The following CFAP54 variants were observed in gnomAD, a reference collection of about 807,000 sequenced individuals.
CFAP54 encodes the protein cilia and flagella associated protein 54.
A neutral mutation model predicts 370.4 loss-of-function variants in CFAP54; 290 were observed. That is an observed-to-expected ratio of 0.78 (90% CI 0.71 to 0.86). The LOEUF (loss-of-function observed/expected upper bound fraction) is 0.86. CFAP54 is among the 40% of genes least tolerant of loss of function. CFAP54 has a pLI of 0.00. For synonymous variants in CFAP54, 1,206 were observed against 1,236.5 expected (o/e 0.98, Z 0.52); for missense variants, 3,399 against 3,528.7 (o/e 0.96, Z 0.93).
intron 17 of CFAP54, among the ~76,000 whole-genome samples, chr12:96,562,631 T>C (rs1199794551): frequency 6.6e-6 from 1 of 152,010 alleles, no homozygotes; most frequent in African/African-American, 2.4e-5. Context: ...GGTTTTGCCA[T>C]GTTGGCCAGG....
At chr12:96,682,042 T>A (rs777191857) in intron 40 of CFAP54, 8 of 516,360 alleles carry the variant, frequency 1.5e-5, no homozygotes, top group Non-Finnish European at 2.0e-5. Context: ...TACAAAATAT[T>A]TCCTTTCTTT....
chr12:96,811,942 AAAGGC>A (rs1373706253), intron 64 of CFAP54, 100 bp downstream of exon 64: 2 of 628,896 alleles, frequency 3.2e-6, no homozygotes, highest in Non-Finnish European at 5.2e-6. Context: ...AGACCTGCTA[AAAGGC>A]ACTTCGCGAA....
chr12:96,870,942 A>T (rs925839261), intron 67 of CFAP54, among the ~76,000 whole-genome samples: 2 of 152,194 alleles, frequency 1.3e-5, no homozygotes, highest in African/African-American at 4.8e-5. Context: ...TTCTCTGAGG[A>T]CACACCTCAT....
intron 55 of CFAP54, among the ~76,000 whole-genome samples, chr12:96,748,143 C>T (rs1958138948): frequency 6.6e-6 from 1 of 151,992 alleles, no homozygotes; most frequent in Admixed American, 6.6e-5. Context: ...TTATGTTTCC[C>T]TCATAGGCCA....
intron 27 of CFAP54, among the ~76,000 whole-genome samples, chr12:96,622,491 A>T (rs1956509349): frequency 6.6e-6 from 1 of 152,110 alleles, no homozygotes; most frequent in South Asian, 2.1e-4. Flanking sequence ...CTAGGATTAT[A>T]GGTGTATGAC....
intron 45 of CFAP54, among the ~76,000 whole-genome samples, chr12:96,696,002 C>T (rs1320902579): frequency 6.6e-6 from 1 of 152,048 alleles, no homozygotes; most frequent in Non-Finnish European, 1.5e-5. Context: ...TGAACACTCT[C>T]CAGGAGTTCG....
Position 96,739,061 on chromosome 12 carries a change from G to A in CFAP54, c.6966-895G>A, listed in dbSNP as rs147002717. On this transcript the variant is annotated intron_variant, in intron 50 of 67. Coordinates refer to ENST00000524981, the MANE Select transcript of CFAP54 (RefSeq NM_001306084.2). ...GGTTAAGACCTCAACATACCTTTTG[G>A]GGAGACAAAATTCAACTCATAACAC... Among the ~76,000 whole-genome samples, 205 of 152,232 alleles carry A rather than the reference G, an allele frequency of 1.3e-3. 1 individual carries two copies. Among genetic ancestry groups the A allele is most frequent in the Non-Finnish European group, 2.4e-3 (166 of 68,024 alleles).
intron 17 of CFAP54, among the ~76,000 whole-genome samples, chr12:96,561,608 C>G (rs12582299): frequency 0.1 from 15,204 of 151,314 alleles, 1,243 homozygotes; most frequent in East Asian, 0.45. Context: ...GTACCTTTTG[C>G]TAGGAAATGG....
chr12:96,664,760 T>G (rs1396865470), intron 39 of CFAP54, among the ~76,000 whole-genome samples: 1 of 18,632 alleles, frequency 5.4e-5, no homozygotes, highest in African/African-American at 2.5e-4. Context: ...TATATCTATA[T>G]ATATCTATAT....
chr12:96,825,860 AAT>A (rs1959094708), intron 65 of CFAP54, among the ~76,000 whole-genome samples: 1 of 136,826 alleles, frequency 7.3e-6, no homozygotes, highest in South Asian at 2.2e-4. Flanking sequence ...TATATAAATT[AAT>A]ATATAACAGA....
intron 27 of CFAP54, 140 bp downstream of exon 27, chr12:96,621,861 G>T: frequency 3.3e-5 from 4 of 122,054 alleles, no homozygotes; most frequent in Non-Finnish European, 6.4e-5. Flanking sequence ...TTATAGTAAA[G>T]AGCTTTTGGG....
At chr12:96,613,192 A>G (rs1257226243) in intron 26 of CFAP54, among the ~76,000 whole-genome samples, 1 of 152,270 alleles carries the variant, frequency 6.6e-6, no homozygotes, top group African/African-American at 2.4e-5. Flanking sequence ...AGAGCAATCA[A>G]ACAAGAACTC....
At chr12:96,765,294 G>T (rs576501314) in intron 60 of CFAP54, 76 bp downstream of exon 60, 85 of 1,294,444 alleles carry the variant, frequency 6.6e-5, no homozygotes, top group Non-Finnish European at 8.4e-5. Context: ...AGATTTAATT[G>T]TAATTTGTTG....
At chr12:96,515,931 T>TC (rs1421848077) in intron 5 of CFAP54, among the ~76,000 whole-genome samples, 4 of 142,584 alleles carry the variant, frequency 2.8e-5, no homozygotes, top group African/African-American at 1.1e-4. Context: ...TTTTTTTTTT[T>TC]TTGATATGGA....
intron 32 of CFAP54, 69 bp from the exon 33 acceptor site, chr12:96,644,109 G>A: frequency 9.5e-7 from 1 of 1,051,952 alleles, no homozygotes; most frequent in East Asian, 2.6e-5. Context: ...TTCCAAATTG[G>A]AATGATTCTT....
chr12:96,518,959 G>A lies in CFAP54; in HGVS notation c.830G>A (p.Cys277Tyr). ...GAGTATCTCCTGTGGGCCAGCATGT[G>A]TATGGAGTCCTTGGTCCCGCTCCTG... is the stretch of plus-strand genomic sequence containing the variant. ...ALEYLLWASM[C>Y]MESLVPLLSL... Residue 277 changes from cysteine (C) to tyrosine (Y), a missense_variant, in exon 6 of 68, where the codon TGT becomes TAT. Coordinates refer to ENST00000524981, the MANE Select transcript of CFAP54 (RefSeq NM_001306084.2). The A allele has an allele frequency of 6.5e-7, 1 of 1,536,020 alleles. No individual in the cohort carries two copies. The highest frequency in any genetic ancestry group is 8.7e-7 in the Non-Finnish European group (1 of 1,146,858).
At chr12:96,535,628 A>G in intron 12 of CFAP54, 28 bp downstream of exon 12, 2 of 1,466,146 alleles carry the variant, frequency 1.4e-6, no homozygotes, top group Non-Finnish European at 1.8e-6. Context: ...AATAATTTTT[A>G]TTAGTGTGGA....
intron 20 of CFAP54, among the ~76,000 whole-genome samples, chr12:96,577,088 T>C (rs1955986425): frequency 6.6e-6 from 1 of 152,138 alleles, no homozygotes; most frequent in African/African-American, 2.4e-5. Flanking sequence ...AAGATGGAAG[T>C]CTCACTTGAA....
chr12:96,813,627 T>C (rs1205626428), intron 64 of CFAP54, among the ~76,000 whole-genome samples: 1 of 152,212 alleles, frequency 6.6e-6, no homozygotes, highest in East Asian at 1.9e-4. Context: ...TCTGTGTAGT[T>C]CTATCTAAAT....
Sources: allele counts gnomAD v4.1 joint callset (sites outside exome capture counted in the v4.1 genomes callset), GRCh38; gene constraint gnomAD v4.1.1; transcripts MANE v1.5; gene names NCBI Gene and HGNC (gene_info 2026-07-23, HGNC 2026-07-21).